Variants in SERPIND1 observed in about 807,000 individuals in gnomAD.
The protein encoded by SERPIND1 is heparin cofactor 2.
Under a neutral mutation model 35.0 loss-of-function variants are expected in SERPIND1, and 34 were observed. The observed-to-expected ratio is 0.97, with a 90% CI of 0.74 to 1.29. The LOEUF (loss-of-function observed/expected upper bound fraction) is 1.29, where lower values mean the gene tolerates loss of function less well. SERPIND1 is among the 50% of genes most tolerant of loss of function. The pLI is 0.00. For synonymous variants in SERPIND1, 236 were observed against 241.1 expected (o/e 0.98, Z 0.19); for missense variants, 633 against 637.7 (o/e 0.99, Z 0.08).
chr22:20,786,721 T>A lies in SERPIND1; in HGVS notation c.1309-154T>A, dbSNP rs553834850. Among the ~76,000 whole-genome samples the A allele has an allele frequency of 1.3e-4, 20 of 152,156 alleles. No homozygotes were observed. In the South Asian group the frequency reaches 3.7e-3, roughly 28 times the overall value. On this transcript the variant is annotated intron_variant, in intron 4 of 4. Transcript: ENST00000215727. Reference sequence around the variant, plus strand: ...TGCAACGGCTGCCCCTGACAGGTGGTGACAGATATTTTCAAGAGTGACTCT... The same window carrying A: ...TGCAACGGCTGCCCCTGACAGGTGGAGACAGATATTTTCAAGAGTGACTCT...
intron 1 of SERPIND1, among the ~76,000 whole-genome samples, chr22:20,777,614 A>T (rs1933408887): frequency 6.6e-6 from 1 of 152,086 alleles, no homozygotes; most frequent in African/African-American, 2.4e-5. Flanking sequence ...TTGGTCTCCC[A>T]GTGTTGGGAT....
In SERPIND1 at chr22:20,779,650, T is replaced by C; in HGVS notation, c.338T>C (p.Ile113Thr). Residue 113 changes from isoleucine (I) to threonine (T), a missense_variant, in exon 2 of 5, where the codon ATC (isoleucine) becomes ACC (threonine). Transcript: ENST00000215727. ...GACTCTGATGTGAGTGCTGGGAACA[T>C]CCTCCAGCTTTTTCATGGCAAGAGC... is the stretch of plus-strand genomic sequence containing the variant. The part of the protein sequence containing the change: ...PTDSDVSAGN[I>T]LQLFHGKSRI... The C allele has an allele frequency of 6.2e-7, 1 of 1,613,994 alleles. No homozygotes were observed. The highest frequency in any genetic ancestry group is 8.5e-7 in the Non-Finnish European group (1 of 1,179,846).
Position 20,775,095 on chromosome 22 carries a change from G to A in SERPIND1, c.-17+950G>A, listed in dbSNP as rs377651808. On this transcript the variant is annotated intron_variant, in intron 1 of 4. Transcript: ENST00000215727. Reference sequence around the variant, plus strand: ...GTTGGGCCTGGAGACCATACACCAGGAGGGATGACGGTTTATCAAGTGTTA... The same window carrying A: ...GTTGGGCCTGGAGACCATACACCAGAAGGGATGACGGTTTATCAAGTGTTA... Among the ~76,000 whole-genome samples the A allele has an allele frequency of 1.1e-4, 16 of 152,150 alleles. No homozygotes were observed. The South Asian group carries it at 2.9e-3, about 28-fold the overall frequency.
At position 20,784,257 on chromosome 22, in the gene SERPIND1, T is replaced by G. The variant is rs751809866; in HGVS notation, c.1163+12T>G. On this transcript the variant is annotated intron_variant, in intron 3 of 4. Coordinates refer to ENST00000215727, the MANE Select transcript of SERPIND1 (RefSeq NM_000185.4). ...AGCATGACAAACAGGTATTTCACAC[T>G]GTGTGTTTGTTCTTTTGAGCTCCCA... 1 of 1,614,024 alleles carries G rather than the reference T, an allele frequency of 6.2e-7. No homozygotes were observed. The highest frequency in any genetic ancestry group is 8.5e-7 in the Non-Finnish European group (1 of 1,179,946).
At chr22:20,781,373 C>G (rs964661207) in intron 2 of SERPIND1, among the ~76,000 whole-genome samples, 3 of 152,210 alleles carry the variant, frequency 2.0e-5, no homozygotes, top group African/African-American at 7.2e-5. Context: ...TCTTTGCCAC[C>G]AAGGACTACC....
intron 1 of SERPIND1, among the ~76,000 whole-genome samples, chr22:20,777,043 G>GT (rs362134): frequency 0.032 from 4,769 of 148,586 alleles, 92 homozygotes; most frequent in Middle Eastern, 0.065. Flanking sequence ...GTTTTTTTTT[G>GT]TTTTTTTTTT....
At position 20,786,987 on chromosome 22, in the gene SERPIND1, C is replaced by A. The variant is rs1012494244; in HGVS notation, c.1421C>A (p.Pro474His). 6.2e-7 allele frequency: 1 copy of A among 1,614,044 alleles called. No individual in the cohort carries two copies. Among genetic ancestry groups the A allele is most frequent in the African/African-American group, 1.3e-5 (1 of 74,904 alleles). Residue 474 changes from proline (P) to histidine (H), a missense_variant, in exon 5 of 5, where the codon CCC (proline) becomes CAC (histidine). Transcript: ENST00000215727. ...CAAGTCCGCTTCACTGTCGACCGCC[C>A]CTTTCTTTTCCTCATCTACGAGCAT... ...STQVRFTVDR[P>H]FLFLIYEHRT...
At chr22:20,783,867 G>A in intron 2 of SERPIND1, 105 bp from the exon 3 acceptor site, 1 of 1,495,818 alleles carries the variant, frequency 6.7e-7, no homozygotes, top group African/African-American at 1.4e-5. Flanking sequence ...CGGCTCTGCA[G>A]GCTATCTGAA....
intron 3 of SERPIND1, among the ~76,000 whole-genome samples, chr22:20,785,266 C>T (rs1452815183): frequency 2.0e-5 from 3 of 152,106 alleles, no homozygotes; most frequent in Non-Finnish European, 2.9e-5. Flanking sequence ...GATGAGGTCT[C>T]GCTGTGTTGC....
intron 3 of SERPIND1, among the ~76,000 whole-genome samples, chr22:20,785,216 T>C (rs1033733380): frequency 6.6e-6 from 1 of 152,030 alleles, no homozygotes; most frequent in African/African-American, 2.4e-5. Context: ...ACTACAGGCG[T>C]GCACCTTCAT....
At chr22:20,785,925 G>A (rs1199725456) in intron 3 of SERPIND1, 79 bp from the exon 4 acceptor site, 2 of 1,570,808 alleles carry the variant, frequency 1.3e-6, no homozygotes, top group African/African-American at 1.4e-5. Flanking sequence ...ATAACCCGTG[G>A]CCCTTTAAAG....
Position 20,779,404 on chromosome 22 carries a change from G to A in SERPIND1, c.92G>A (p.Gly31Glu), listed in dbSNP as rs148982703. The A allele has an allele frequency of 1.3e-4, 204 of 1,614,246 alleles. 1 individual carries two copies. In the African/African-American group the frequency reaches 2.4e-3, roughly 19 times the overall value. ...SKGPLDQLEK[G>E]GETAQSADPQ... ...GGCCCGCTGGATCAGCTAGAGAAAG[G>A]AGGGGAAACTGCTCAGTCTGCAGAT... The change falls in exon 2 of 5, where the codon GGA (glycine) becomes GAA (glutamate). Residue 31 changes from glycine (G) to glutamate (E), a missense_variant. By Grantham distance (98) the Gly-to-Glu change is moderately conservative. Coordinates refer to ENST00000215727, the MANE Select transcript of SERPIND1 (RefSeq NM_000185.4).
At chr22:20,777,602 C>T (rs1040530606) in intron 1 of SERPIND1, among the ~76,000 whole-genome samples, 3 of 152,214 alleles carry the variant, frequency 2.0e-5, no homozygotes, top group African/African-American at 7.2e-5. Flanking sequence ...GATCTTCCTG[C>T]CTTGGTCTCC....
At chr22:20,779,274 C>T (rs147431264) in intron 1 of SERPIND1, 23 bp from the exon 2 acceptor site, 54 of 1,613,264 alleles carry the variant, frequency 3.3e-5, no homozygotes, top group Non-Finnish European at 4.4e-5. Flanking sequence ...CCGCCTTTCA[C>T]TGTGTTCTGT....
rs1011208830 is a variant in SERPIND1 at position 20,775,519 on chromosome 22, C to T, written c.-17+1374C>T. Among the ~76,000 whole-genome samples, 3 of 152,178 alleles carry T rather than the reference C, an allele frequency of 2.0e-5. No homozygotes were observed. The East Asian group carries it at 5.8e-4, about 29-fold the overall frequency. On this transcript the variant is annotated intron_variant, in intron 1 of 4. Coordinates refer to ENST00000215727, the MANE Select transcript of SERPIND1 (RefSeq NM_000185.4). ...GAATACCGGGATAAAACATGCATGT[C>T]TTTACTCTGCCACTCTATCTGGCCT...
At chr22:20,778,049 G>C (rs1467397921) in intron 1 of SERPIND1, among the ~76,000 whole-genome samples, 1 of 152,142 alleles carries the variant, frequency 6.6e-6, no homozygotes, top group Non-Finnish European at 1.5e-5. Context: ...AGAAGATTTA[G>C]TTGCTCCTGA....
Position 20,779,876 on chromosome 22 carries a change from T to C in SERPIND1, c.564T>C (p.Asn188=), listed in dbSNP as rs1423106263. 1.9e-6 allele frequency: 3 copies of C among 1,614,140 alleles called. No homozygotes were observed. The African/African-American group carries it at 4.0e-5, about 22-fold the overall frequency. ...HSILHFKDFV[N]ASSKYEITTI... ...TTTTGCATTTTAAAGACTTTGTTAA[T>C]GCCAGCAGCAAGTATGAAATCACGA... Residue 188 remains asparagine, a synonymous_variant, in exon 2 of 5, where the codon AAT becomes AAC. Coordinates refer to ENST00000215727, the MANE Select transcript of SERPIND1 (RefSeq NM_000185.4).
Position 20,784,020 on chromosome 22 carries a change from TC to T in SERPIND1, c.940del (p.Arg314GlyfsTer2). ...GTGGAAATGACACACAACCACAACT[TC>T]CGGCTGAATGAGAGAGAGGTAGTTA... ...FPVEMTHNHN[F>X]RLNEREVVKV... On this transcript the variant is annotated frameshift_variant, in exon 3 of 5. Coordinates refer to ENST00000215727, the MANE Select transcript of SERPIND1 (RefSeq NM_000185.4). LOFTEE classifies it high-confidence loss of function. The T allele has an allele frequency of 1.2e-6, 2 of 1,614,072 alleles. No individual in the cohort carries two copies. The highest frequency in any genetic ancestry group is 1.3e-5 in the African/African-American group (1 of 75,002).
intron 3 of SERPIND1, 99 bp downstream of exon 3, chr22:20,784,344 G>A (rs756898533): frequency 2.6e-6 from 4 of 1,521,334 alleles, no homozygotes; most frequent in Non-Finnish European, 3.6e-6. Context: ...GGAGAATTAT[G>A]TACAAGTACC....
Sources: gnomAD v4.1 joint callset for allele counts (sites outside exome capture counted in the v4.1 genomes callset) on GRCh38, gnomAD v4.1.1 for gene constraint, MANE v1.5 for transcripts, NCBI Gene and HGNC (gene_info 2026-07-23, HGNC 2026-07-21) for gene names.